Variants in PIMREG observed in about 807,000 individuals in gnomAD.
The protein encoded by PIMREG is protein PIMREG.
In PIMREG, 19 loss-of-function variants were observed where a neutral mutation model predicts 24.3. The observed-to-expected ratio is 0.78, with a 90% CI of 0.54 to 1.15. PIMREG has a LOEUF of 1.15. Among genes scored for constraint, PIMREG ranks in the 50% most tolerant of loss-of-function variants. The probability of loss-of-function intolerance (pLI) is 0.00; values close to 1 mark genes in which losing one functional copy is unlikely to be tolerated. For missense variants in PIMREG, 283 were observed against 306.8 expected (o/e 0.92, Z 0.58); for synonymous variants, 112 against 124.1 (o/e 0.90, Z 0.65).
At chr17:6,449,806 G>C in intron 4 of PIMREG, 1 of 1,425,182 alleles carries the variant, frequency 7.0e-7, no homozygotes, top group Non-Finnish European at 9.1e-7. Flanking sequence ...CCCATCCTGG[G>C]GGCAGGGCCT....
In PIMREG at chr17:6,447,098, GTT is replaced by G. The variant is rs869187723; in HGVS notation, c.295-355_295-354del. Among the ~76,000 whole-genome samples, 614 of 92,914 alleles carry G rather than the reference GTT, an allele frequency of 6.6e-3. 6 individuals carry two copies. Among genetic ancestry groups the G allele is most frequent in the East Asian group, 0.024 (94 of 3,872 alleles). The allele number at this position is 92,914 out of a possible 152,430, so 61.0% of individuals were successfully genotyped here. A position where few individuals can be genotyped will look rare whatever the true frequency, so the allele number is the denominator to read the frequency against. On this transcript the variant is annotated intron_variant, in intron 2 of 5. Transcript: ENST00000572447. Reference sequence around the variant, plus strand: ...TGGAGACCAAGGTAGCTCACCCTTGGTTTTTTTTTTTGTTGTTGTTTGTTTGT... The same window carrying G: ...TGGAGACCAAGGTAGCTCACCCTTGGTTTTTTTTTGTTGTTGTTTGTTTGT...
chr17:6,444,829 G>C lies in PIMREG; in HGVS notation c.-35-247G>C, dbSNP rs1050114521. Among the ~76,000 whole-genome samples the C allele has an allele frequency of 6.6e-6, 1 of 152,098 alleles. No individual in the cohort carries two copies. On this transcript the variant is annotated intron_variant, in intron 1 of 5. Transcript: ENST00000572447. This position sits in a 1 kb window ranked among gnomAD's most constrained non-coding sequence, Gnocchi z 4.3. ...GCCTCCCCTCCTCGCCTGAGCCAGA[G>C]AGAGGAAGGAGGTTGGGATGAAAAG...
At position 6,450,439 on chromosome 17, in the gene PIMREG, C is replaced by T; in HGVS notation, c.*92C>T. 6.4e-7 allele frequency: 1 copy of T among 1,562,608 alleles called. No individual in the cohort carries two copies. The highest frequency in any genetic ancestry group is 8.6e-7 in the Non-Finnish European group (1 of 1,161,386). ...TCCCCGTGAGCTTCCTGGAAAAAAC[C>T]CCCGGGAGTCGTCAGTACCCCTGGG... On this transcript the variant is annotated 3_prime_UTR_variant, in exon 6 of 6. Coordinates refer to ENST00000572447, the MANE Select transcript of PIMREG (RefSeq NM_019013.3).
chr17:6,446,677 G>A (rs985969970), intron 2 of PIMREG, among the ~76,000 whole-genome samples: 1 of 152,198 alleles, frequency 6.6e-6, no homozygotes, highest in Non-Finnish European at 1.5e-5. Context: ...GAAGAGTTTT[G>A]AGCAGTTGAG....
rs1344166915 is a variant in PIMREG at position 6,449,416 on chromosome 17, G to A, written c.686+9G>A. The A allele has an allele frequency of 6.2e-7, 1 of 1,610,124 alleles. No homozygotes were observed. The highest frequency in any genetic ancestry group is 8.5e-7 in the Non-Finnish European group (1 of 1,178,112). On this transcript the variant is annotated intron_variant, in intron 4 of 5. Transcript: ENST00000572447. ...ATTATGGCGGAAGAGAGGTGAGTTG[G>A]CATCCCATGCTTCAAAGTGAAGGGG...
At chr17:6,447,799 T>A in intron 3 of PIMREG, 41 bp downstream of exon 3, 2 of 1,544,006 alleles carry the variant, frequency 1.3e-6, no homozygotes, top group Non-Finnish European at 1.8e-6. Context: ...GGTGGCCTTT[T>A]AACCTGGGCA....
intron 4 of PIMREG, 168 bp from the exon 5 acceptor site, chr17:6,449,860 C>A: frequency 7.2e-7 from 1 of 1,389,538 alleles, no homozygotes; most frequent in Non-Finnish European, 9.6e-7. Flanking sequence ...CCCCATTCCA[C>A]TTGTATAATG....
intron 5 of PIMREG, 112 bp downstream of exon 5, chr17:6,450,184 C>T (rs185387705): frequency 7.9e-7 from 1 of 1,270,454 alleles, no homozygotes; most frequent in Non-Finnish European, 1.1e-6. Context: ...GTAGGTAGTA[C>T]CTACTTGCCG....
In PIMREG at chr17:6,445,272, G is replaced by A; in HGVS notation, c.162G>A (p.Leu54=). 2 of 1,613,950 alleles carry A rather than the reference G, an allele frequency of 1.2e-6. No homozygotes were observed. Among genetic ancestry groups the A allele is most frequent in the Non-Finnish European group, 1.7e-6 (2 of 1,179,978 alleles). ...GSLCRQFQRR[L]PLRAVNLNLR... Reference sequence around the variant, plus strand: ...TGTGCAGACAGTTCCAAAGGAGGCTGCCCCTGAGAGCCGTCAACCTCAACC... The same window carrying A: ...TGTGCAGACAGTTCCAAAGGAGGCTACCCCTGAGAGCCGTCAACCTCAACC... Residue 54 remains leucine (L), a synonymous_variant, in exon 2 of 6, where the codon CTG becomes CTA. Coordinates refer to ENST00000572447, the MANE Select transcript of PIMREG (RefSeq NM_019013.3).
At chr17:6,448,378 G>A (rs1268996105) in intron 3 of PIMREG, among the ~76,000 whole-genome samples, 1 of 151,740 alleles carries the variant, frequency 6.6e-6, no homozygotes. Context: ...AGTTCTAGGG[G>A]GAAATGGAGT....
At chr17:6,449,812 G>A (rs1913743678) in intron 4 of PIMREG, 2 of 1,425,560 alleles carry the variant, frequency 1.4e-6, no homozygotes, top group Middle Eastern at 2.6e-4. Flanking sequence ...CTGGGGGCAG[G>A]GCCTCGGTTG....
rs912414930 is a variant in PIMREG, at chr17:6,444,717, G to A, written c.-36+229G>A. ...GGAAGGCCGGGGTCTGGGCGGGTGC[G>A]CGTTTGGTCTGGGCGAGCTGGTGAA... On this transcript the variant is annotated intron_variant, in intron 1 of 5. Transcript: ENST00000572447. This position sits in a 1 kb window ranked among gnomAD's most constrained non-coding sequence, Gnocchi z 4.3. Among the ~76,000 whole-genome samples the A allele has an allele frequency of 2.6e-5, 4 of 152,090 alleles. No individual in the cohort carries two copies. Among genetic ancestry groups the A allele is most frequent in the Admixed American group, 1.3e-4 (2 of 15,266 alleles).
At chr17:6,448,375 G>A (rs930552430) in intron 3 of PIMREG, among the ~76,000 whole-genome samples, 6 of 151,574 alleles carry the variant, frequency 4.0e-5, no homozygotes, top group Admixed American at 4.0e-4. Flanking sequence ...CTGAGTTCTA[G>A]GGGGAAATGG....
chr17:6,448,294 A>AATAAAAAAAT (rs1555549515), intron 3 of PIMREG, among the ~76,000 whole-genome samples: 1 of 149,802 alleles, frequency 6.7e-6, no homozygotes, highest in Non-Finnish European at 1.5e-5. Context: ...AAAAAAAAAA[A>AATAAAAAAAT]AAAAAAAAGA....
At chr17:6,449,783 GTCTGC>G in intron 4 of PIMREG, 1 of 1,416,696 alleles carries the variant, frequency 7.1e-7, no homozygotes, top group Non-Finnish European at 9.2e-7. Flanking sequence ...TTCCTGGTCT[GTCTGC>G]TCATGGCCCC....
At chr17:6,449,456 C>T in intron 4 of PIMREG, 49 bp downstream of exon 4, 2 of 1,515,842 alleles carry the variant, frequency 1.3e-6, no homozygotes, top group Non-Finnish European at 9.0e-7. Flanking sequence ...GAGGGCCCCT[C>T]CAGCCATCTT....
chr17:6,445,490 T>G (rs545171821), intron 2 of PIMREG, 86 bp downstream of exon 2: 2 of 1,418,790 alleles, frequency 1.4e-6, no homozygotes, highest in Admixed American at 2.3e-5. Flanking sequence ...CTCAAGAATA[T>G]AGACTTCATG....
intron 2 of PIMREG, chr17:6,446,219 T>A (rs889758896): frequency 1.2e-5 from 5 of 400,936 alleles, no homozygotes; most frequent in African/African-American, 1.0e-4. Context: ...AAGGGATGCA[T>A]CTTTAAACCC....
intron 2 of PIMREG, among the ~76,000 whole-genome samples, chr17:6,447,167 C>A (rs547324232): frequency 2.2e-4 from 34 of 152,086 alleles, no homozygotes; most frequent in East Asian, 3.9e-4. Context: ...GCTGGAGTGC[C>A]ATGGTGCGAT....
Sources: gnomAD v4.1 joint callset for allele counts (sites outside exome capture counted in the v4.1 genomes callset) on GRCh38, gnomAD v4.1.1 for gene constraint, Gnocchi (gnomAD v3.1) non-coding constraint, MANE v1.5 for transcripts, NCBI Gene and HGNC (gene_info 2026-07-23, HGNC 2026-07-21) for gene names.